Variants in TRPS1 observed in about 807,000 individuals in gnomAD.
TRPS1 encodes the protein zinc finger transcription factor Trps1.
A neutral mutation model predicts 101.2 loss-of-function variants in TRPS1; 6 were observed. The observed-to-expected ratio is 0.06, with a 90% CI of 0.03 to 0.12. TRPS1 has a LOEUF of 0.12. TRPS1 is among the 10% of genes least tolerant of loss of function. The probability of loss-of-function intolerance (pLI) is 1.00; values close to 1 mark genes in which losing one functional copy is unlikely to be tolerated. For missense variants in TRPS1, 1,363 were observed against 1,567.0 expected (o/e 0.87, Z 2.20); for synonymous variants, 578 against 589.8 (o/e 0.98, Z 0.29).
chr8:115,566,821 G>A (rs3808450), intron 5 of TRPS1, among the ~76,000 whole-genome samples: 105,068 of 151,950 alleles, frequency 0.69, 37,743 homozygotes, highest in African/African-American at 0.89. Context: ...ATTAAAAATG[G>A]TTTAGTGCCT....
chr8:115,466,838 C>A (rs184858829), intron 5 of TRPS1, among the ~76,000 whole-genome samples: 1 of 152,134 alleles, frequency 6.6e-6, no homozygotes, highest in African/African-American at 2.4e-5. Context: ...GACAGATTCT[C>A]CCAACTTTAA....
intron 5 of TRPS1, among the ~76,000 whole-genome samples, chr8:115,438,897 A>G (rs1409982847): frequency 6.6e-6 from 1 of 152,168 alleles, no homozygotes; most frequent in Non-Finnish European, 1.5e-5. Context: ...CAAGCATTAG[A>G]TTTATTCCTT....
At chr8:115,534,824 A>C (rs1331194129) in intron 5 of TRPS1, among the ~76,000 whole-genome samples, 1 of 152,134 alleles carries the variant, frequency 6.6e-6, no homozygotes, top group East Asian at 1.9e-4. Flanking sequence ...TTTCCTTTTC[A>C]ACTACCAGTT....
chr8:115,555,833 T>G (rs1457402311), intron 5 of TRPS1, among the ~76,000 whole-genome samples: 1 of 148,764 alleles, frequency 6.7e-6, no homozygotes, highest in Non-Finnish European at 1.5e-5. Context: ...TAAAATCTCG[T>G]CTCTACAAAA....
intron 3 of TRPS1, among the ~76,000 whole-genome samples, chr8:115,618,066 T>A (rs1818310381): frequency 6.6e-6 from 1 of 152,126 alleles, no homozygotes; most frequent in Non-Finnish European, 1.5e-5. Flanking sequence ...TGGTATTAGG[T>A]CAATAGAGAG....
intron 5 of TRPS1, among the ~76,000 whole-genome samples, chr8:115,520,124 A>T (rs1192038573): frequency 7.2e-6 from 1 of 139,598 alleles, no homozygotes; most frequent in Non-Finnish European, 1.5e-5. Context: ...GAACCACTTT[A>T]AAAAAAACAG....
At chr8:115,533,506 C>T (rs77494402) in intron 5 of TRPS1, among the ~76,000 whole-genome samples, 8 of 129,074 alleles carry the variant, frequency 6.2e-5, no homozygotes, top group Non-Finnish European at 9.3e-5. Flanking sequence ...TTCAAACATG[C>T]AAACTCTCAA....
At chr8:115,423,668 C>T (rs1425221022) in intron 5 of TRPS1, among the ~76,000 whole-genome samples, 1 of 152,142 alleles carries the variant, frequency 6.6e-6, no homozygotes, top group African/African-American at 2.4e-5. Context: ...ACGGCTAACA[C>T]CAACATGCGG....
In TRPS1 at chr8:115,604,263, A is replaced by G. The variant is rs2130491464; in HGVS notation, c.1706T>C (p.Ile569Thr). 6.2e-7 allele frequency: 1 copy of G among 1,614,108 alleles called. No individual in the cohort carries two copies. Among genetic ancestry groups the G allele is most frequent in the Non-Finnish European group, 8.5e-7 (1 of 1,180,010 alleles). The change falls in exon 4 of 7, where the codon ATT (isoleucine) becomes ACT (threonine). Residue 569 changes from isoleucine to threonine, a missense_variant. This residue lies in a region of TRPS1 where 1,020 missense variants were observed against 1,073.0 expected (regional missense o/e 0.95). Transcript: ENST00000395715. The surrounding 1 kb of genome is among the most constrained non-coding windows in gnomAD (Gnocchi z 4.1). The stretch of plus-strand genomic sequence containing the variant: ...ACAGTGTTTAATGGTACACTTGTGA[A>G]TGTTATGGAGCTGTTGATAATGACG... Reference protein sequence around the residue: ...LLRHYQQLHNIHKCTIKHCPF... With the variant: ...LLRHYQQLHNTHKCTIKHCPF...
At chr8:115,593,266 G>A (rs1054722567) in intron 4 of TRPS1, among the ~76,000 whole-genome samples, 1 of 152,100 alleles carries the variant, frequency 6.6e-6, no homozygotes. Flanking sequence ...ATCATTGTTT[G>A]GAGATTGTCT....
In TRPS1 at chr8:115,660,070, A is replaced by G. The variant is rs186140326; in HGVS notation, c.-122+8475T>C. 5.3e-5 allele frequency among the ~76,000 whole-genome samples: 8 copies of G among 152,108 alleles called. No homozygotes were observed. In the East Asian group the frequency reaches 1.5e-3, roughly 29 times the overall value. ...AGAGAGCAAAAGCTAACACTAGATT[A>G]GTAATGCTTGATCCCTTTGTACATG... On this transcript the variant is annotated intron_variant, in intron 1 of 6. Transcript: ENST00000395715.
chr8:115,416,777 A>G (rs1812931739), intron 6 of TRPS1, among the ~76,000 whole-genome samples: 1 of 152,046 alleles, frequency 6.6e-6, no homozygotes, highest in African/African-American at 2.4e-5. Context: ...ATTCATTGTT[A>G]GTTTAAGAAA....
intron 2 of TRPS1, 47 bp downstream of exon 2, chr8:115,623,554 A>G: frequency 1.2e-6 from 2 of 1,603,430 alleles, no homozygotes; most frequent in Non-Finnish European, 1.7e-6. Flanking sequence ...CTGTGTGCCA[A>G]GAACTTTTCC....
intron 5 of TRPS1, among the ~76,000 whole-genome samples, chr8:115,441,898 A>AGTGT (rs796637255): frequency 0.033 from 3,778 of 116,116 alleles, 86 homozygotes; most frequent in African/African-American, 0.056. Flanking sequence ...AGAGAGAGAG[A>AGTGT]GTGTGTGTGT....
intron 1 of TRPS1, among the ~76,000 whole-genome samples, chr8:115,636,440 T>G (rs1586481202): frequency 1.3e-5 from 2 of 152,208 alleles, no homozygotes; most frequent in Admixed American, 6.5e-5. Context: ...ATTCATATAT[T>G]ATGTATTTAT....
intron 1 of TRPS1, among the ~76,000 whole-genome samples, chr8:115,635,674 A>C (rs1818751728): frequency 6.6e-6 from 1 of 152,094 alleles, no homozygotes. Context: ...GATAGCAAAA[A>C]CTGGCCAGGT....
intron 5 of TRPS1, among the ~76,000 whole-genome samples, chr8:115,447,421 T>C (rs1425281928): frequency 6.6e-6 from 1 of 152,142 alleles, no homozygotes; most frequent in Non-Finnish European, 1.5e-5. Flanking sequence ...AAAACAAAAA[T>C]AAAAATTATC....
intron 5 of TRPS1, among the ~76,000 whole-genome samples, chr8:115,553,573 T>C (rs958008857): frequency 5.3e-5 from 8 of 152,152 alleles, no homozygotes; most frequent in Non-Finnish European, 1.0e-4. Context: ...TATTCTATTT[T>C]CCTCTTTGAT....
At chr8:115,420,474 A>G (rs1052818174) in intron 5 of TRPS1, among the ~76,000 whole-genome samples, 6 of 152,206 alleles carry the variant, frequency 3.9e-5, no homozygotes, top group Admixed American at 2.0e-4. Context: ...GGCAATGTAA[A>G]TGTCCATTTG....
Sources: allele counts gnomAD v4.1 joint callset (sites outside exome capture counted in the v4.1 genomes callset), GRCh38; gene constraint gnomAD v4.1.1; regional missense constraint gnomAD v4.1.1; non-coding constraint Gnocchi (gnomAD v3.1); transcripts MANE v1.5; gene names NCBI Gene and HGNC (gene_info 2026-07-23, HGNC 2026-07-21).